The following EEA1 variants were observed in gnomAD, a reference collection of about 807,000 sequenced individuals.
The protein encoded by EEA1 is early endosome antigen 1.
EEA1 carries 111 observed loss-of-function variants against 209.2 expected under a neutral mutation model. The ratio of observed to expected loss-of-function variants is 0.53; its 90% confidence interval spans 0.45 to 0.62. The LOEUF is 0.62. EEA1 is among the 20% of genes least tolerant of loss of function. EEA1 has a pLI of 0.00. For synonymous variants in EEA1, 536 were observed against 540.6 expected, an observed-to-expected ratio of 0.99 and a Z score of 0.12; for missense variants, 1,343 against 1,530.8, an observed-to-expected ratio of 0.88 and a Z score of 2.05.
intron 3 of EEA1, chr12:92,858,258 G>T: frequency 1.4e-6 from 1 of 728,342 alleles, no homozygotes; most frequent in Non-Finnish European, 2.6e-6. Context: ...TGAAACTGTT[G>T]CTAAAACTGG....
intron 9 of EEA1, among the ~76,000 whole-genome samples, chr12:92,843,468 A>C (rs913431696): frequency 1.3e-5 from 2 of 152,218 alleles, no homozygotes; most frequent in African/African-American, 4.8e-5. Context: ...ATATTTTAAA[A>C]AATGTGAAAA....
intron 2 of EEA1, among the ~76,000 whole-genome samples, chr12:92,885,082 CATGCAAAAT>C (rs1879324037): frequency 6.7e-6 from 1 of 148,548 alleles, no homozygotes; most frequent in Non-Finnish European, 1.5e-5. Context: ...ATATATATAA[CATGCAAAAT>C]ATGTGTGAAT....
chr12:92,888,836 A>T (rs914281499), intron 2 of EEA1, among the ~76,000 whole-genome samples: 5 of 152,294 alleles, frequency 3.3e-5, no homozygotes, highest in African/African-American at 1.2e-4. Context: ...AGTATGTTAG[A>T]CATTATGTAT....
At chr12:92,879,191 T>G (rs899658942) in intron 2 of EEA1, 4 of 323,690 alleles carry the variant, frequency 1.2e-5, no homozygotes, top group African/African-American at 2.3e-5. Flanking sequence ...GAGACACTTT[T>G]GGATTCTGGA....
intron 24 of EEA1, 25 bp downstream of exon 24, chr12:92,780,255 A>C: frequency 6.3e-7 from 1 of 1,581,002 alleles, no homozygotes; most frequent in Non-Finnish European, 8.5e-7. Context: ...CACAGAAGGC[A>C]GGAGAAATGA....
rs1565812660 is a variant in EEA1, at chr12:92,798,981, T to C, written c.2878A>G (p.Asn960Asp). 1.9e-6 allele frequency: 3 copies of C among 1,613,452 alleles called. No homozygotes were observed. The highest frequency in any genetic ancestry group is 2.5e-6 in the Non-Finnish European group (3 of 1,179,700). ...CTTGATTGCTTTAGCTCATTTATGT[T>C]CCCCTGAAGTTGTTGCTCTTCTTTT... ...NEKEEQQLQGNINELKQSSEQ... is the reference protein window; with the variant it reads ...NEKEEQQLQGDINELKQSSEQ... The change falls in exon 21 of 29, where the codon AAC (asparagine) becomes GAC (aspartate). Residue 960 changes from asparagine to aspartate, a missense_variant. Transcript: ENST00000322349.
intron 19 of EEA1, 121 bp from the exon 20 acceptor site, chr12:92,801,822 G>A (rs1874928183): frequency 3.5e-6 from 2 of 574,052 alleles, no homozygotes; most frequent in South Asian, 7.7e-5. Flanking sequence ...GAGCTAAGAT[G>A]AGACAGGATC....
In EEA1 at chr12:92,805,769, T is replaced by C. The variant is rs531112204; in HGVS notation, c.2340-3035A>G. On this transcript the variant is annotated intron_variant, in intron 18 of 28. Coordinates refer to ENST00000322349, the MANE Select transcript of EEA1 (RefSeq NM_003566.4). ...GAATGATGCTGCAGCTAAGCACTTC[T>C]ATGGCTATATATGTTCAGAAGCACA... Among the ~76,000 whole-genome samples, 10 of 152,284 alleles carry C rather than the reference T, an allele frequency of 6.6e-5. No homozygotes were observed. In the East Asian group the frequency reaches 1.9e-3, roughly 29 times the overall value.
intron 1 of EEA1, among the ~76,000 whole-genome samples, chr12:92,898,286 C>A (rs957558325): frequency 2.0e-5 from 3 of 152,128 alleles, no homozygotes; most frequent in Non-Finnish European, 4.4e-5. Context: ...TGATCTTGAA[C>A]CTTTTTTAAA....
chr12:92,794,091 AAAG>A (rs1874538736), intron 21 of EEA1, among the ~76,000 whole-genome samples: 1 of 152,252 alleles, frequency 6.6e-6, no homozygotes, highest in Admixed American at 6.5e-5. Context: ...ACACTTCTCA[AAAG>A]AAGACATCTA....
chr12:92,828,328 G>T (rs1307072808), intron 11 of EEA1, among the ~76,000 whole-genome samples: 2 of 151,936 alleles, frequency 1.3e-5, no homozygotes, highest in African/African-American at 4.8e-5. Flanking sequence ...ACAAATGCAG[G>T]TTCTTGTTTG....
At chr12:92,880,411 TC>T (rs1879084854) in intron 2 of EEA1, among the ~76,000 whole-genome samples, 1 of 152,154 alleles carries the variant, frequency 6.6e-6, no homozygotes, top group Admixed American at 6.5e-5. Flanking sequence ...AGCAAGCGAT[TC>T]TCCTGCCTCA....
intron 2 of EEA1, chr12:92,883,940 G>A (rs751016154): frequency 8.9e-5 from 135 of 1,520,578 alleles, no homozygotes; most frequent in African/African-American, 4.8e-4. Flanking sequence ...CACTCCAGGG[G>A]CTTTGGGTTC....
intron 5 of EEA1, among the ~76,000 whole-genome samples, chr12:92,855,612 ATATTT>A (rs1291809578): frequency 1.3e-5 from 2 of 152,312 alleles, no homozygotes; most frequent in African/African-American, 4.8e-5. Context: ...CATTATTTTT[ATATTT>A]TAAAGAATTA....
chr12:92,801,136 T>C (rs1874889937), intron 20 of EEA1, among the ~76,000 whole-genome samples: 1 of 152,138 alleles, frequency 6.6e-6, no homozygotes, highest in Non-Finnish European at 1.5e-5. Flanking sequence ...ATTTTGGTTG[T>C]TCTACAACCA....
At chr12:92,927,179 G>A (rs1417589295) in intron 1 of EEA1, among the ~76,000 whole-genome samples, 3 of 152,118 alleles carry the variant, frequency 2.0e-5, no homozygotes, top group African/African-American at 7.2e-5. Context: ...GCTATTTTTG[G>A]TTGTCACAAG....
chr12:92,886,350 C>T (rs1879382831), intron 2 of EEA1, among the ~76,000 whole-genome samples: 1 of 101,774 alleles, frequency 9.8e-6, no homozygotes, highest in Admixed American at 1.6e-4. Flanking sequence ...GTCTGGGTGA[C>T]AGAGCAAGAT....
chr12:92,873,425 A>G (rs1344342311), intron 2 of EEA1, among the ~76,000 whole-genome samples: 1 of 152,232 alleles, frequency 6.6e-6, no homozygotes, highest in East Asian at 1.9e-4. Flanking sequence ...ATAGTAAAGA[A>G]TGGGGAGATA....
intron 5 of EEA1, 25 bp from the exon 6 acceptor site, chr12:92,853,979 C>A: frequency 6.5e-7 from 1 of 1,540,420 alleles, no homozygotes. Context: ...AAGACATAAA[C>A]AAATGAATTA....
Sources: gnomAD v4.1 joint callset for allele counts (sites outside exome capture counted in the v4.1 genomes callset) on GRCh38, gnomAD v4.1.1 for gene constraint, MANE v1.5 for transcripts, NCBI Gene and HGNC (gene_info 2026-07-23, HGNC 2026-07-21) for gene names.